Variants in NRG3 observed in about 807,000 individuals in gnomAD.
NRG3 encodes the protein pro-neuregulin-3, membrane-bound isoform.
A neutral mutation model predicts 66.9 loss-of-function variants in NRG3; 31 were observed. The observed-to-expected ratio is 0.46, with a 90% confidence interval of 0.35 to 0.63. The LOEUF is 0.63. Ranked by LOEUF, NRG3 falls within the 20% of genes least tolerant of loss-of-function variation. The probability of loss-of-function intolerance (pLI) is 0.00; values close to 1 mark genes in which losing one functional copy is unlikely to be tolerated. For missense variants in NRG3, 910 were observed against 878.9 expected, an observed-to-expected ratio of 1.04 and a Z score of -0.45; for synonymous variants, 393 against 359.4, an observed-to-expected ratio of 1.09 and a Z score of -1.06.
At chr10:82,539,865 C>T (rs928758400) in intron 2 of NRG3, among the ~76,000 whole-genome samples, 2 of 152,138 alleles carry the variant, frequency 1.3e-5, no homozygotes, top group African/African-American at 4.8e-5. Flanking sequence ...AGCTCCTGCC[C>T]TCGTGATCCA....
At chr10:82,000,312 T>C (rs925301687) in intron 1 of NRG3, among the ~76,000 whole-genome samples, 2 of 152,212 alleles carry the variant, frequency 1.3e-5, no homozygotes, top group Non-Finnish European at 2.9e-5. Context: ...AAAACAATTA[T>C]GGTATTTAGG....
At chr10:81,995,902 C>T (rs917292895) in intron 1 of NRG3, among the ~76,000 whole-genome samples, 1 of 152,072 alleles carries the variant, frequency 6.6e-6, no homozygotes, top group African/African-American at 2.4e-5. Context: ...TTGGTCAATG[C>T]CATGCAACTG....
chr10:81,937,319 G>A (rs921843634), intron 1 of NRG3, among the ~76,000 whole-genome samples: 1 of 151,986 alleles, frequency 6.6e-6, no homozygotes, highest in African/African-American at 2.4e-5. Flanking sequence ...GAGGATATGG[G>A]TAATTTATTT....
At chr10:82,476,381 G>T (rs573103181) in intron 2 of NRG3, among the ~76,000 whole-genome samples, 7 of 151,992 alleles carry the variant, frequency 4.6e-5, no homozygotes, top group African/African-American at 1.2e-4. Context: ...TTGAAAGCAG[G>T]GACTTCAAGA....
chr10:81,990,004 A>C (rs932803673), intron 1 of NRG3, among the ~76,000 whole-genome samples: 4 of 152,308 alleles, frequency 2.6e-5, no homozygotes, highest in Admixed American at 2.6e-4. Flanking sequence ...ATTATAGATC[A>C]TGTATGAAAC....
intron 4 of NRG3, among the ~76,000 whole-genome samples, chr10:82,897,989 C>T (rs1002603330): frequency 1.3e-5 from 2 of 152,136 alleles, no homozygotes; most frequent in African/African-American, 2.4e-5. Flanking sequence ...ATAATGTAGC[C>T]TTACAGCCCA....
intron 2 of NRG3, among the ~76,000 whole-genome samples, chr10:82,581,051 T>A (rs1398326132): frequency 6.6e-6 from 1 of 151,988 alleles, no homozygotes; most frequent in Admixed American, 6.6e-5. Context: ...GGTTGTACCA[T>A]TTACATTCCC....
At chr10:82,213,880 C>G (rs2075527896) in intron 1 of NRG3, among the ~76,000 whole-genome samples, 1 of 152,122 alleles carries the variant, frequency 6.6e-6, no homozygotes, top group South Asian at 2.1e-4. Flanking sequence ...GTAAGTAGCA[C>G]CAGAGTCGGC....
rs1306880945 is a variant in NRG3, at chr10:82,136,981, A to G, written c.824-221758A>G. Among the ~76,000 whole-genome samples, 3 of 152,356 alleles carry G rather than the reference A, an allele frequency of 2.0e-5. No homozygotes were observed. In the East Asian group the frequency reaches 5.8e-4, roughly 29 times the overall value. On this transcript the variant is annotated intron_variant, in intron 1 of 8. Transcript: ENST00000372141. The stretch of plus-strand genomic sequence containing the variant: ...CAAGACTGTCTTTCCTACCCTCTTC[A>G]GTACCTCTTTCATTAATATGATGTC...
At position 82,568,906 on chromosome 10, in the gene NRG3, T is replaced by A. The variant is rs183093839; in HGVS notation, c.954-169671T>A. ...GGTTTTCTCATCAATGCATTGTTTTTCTCTACATCACTGCCTCTGATGTCC... is the reference window on the plus strand; with the variant it reads ...GGTTTTCTCATCAATGCATTGTTTTACTCTACATCACTGCCTCTGATGTCC... On this transcript the variant is annotated intron_variant, in intron 2 of 8. Coordinates refer to ENST00000372141, the MANE Select transcript of NRG3 (RefSeq NM_001010848.4). Among the ~76,000 whole-genome samples the A allele has an allele frequency of 5.9e-5, 9 of 151,960 alleles. No homozygotes were observed. In the East Asian group the frequency reaches 1.8e-3, roughly 30 times the overall value.
At chr10:82,959,157 C>T (rs1850366986) in intron 6 of NRG3, 82 bp downstream of exon 6, 1 of 1,428,248 alleles carries the variant, frequency 7.0e-7, no homozygotes, top group East Asian at 2.4e-5. Flanking sequence ...TGGGATCAGA[C>T]TTGTAAATAT....
chr10:81,946,326 CT>C lies in NRG3; in HGVS notation c.823+70165del, dbSNP rs1177012563. Among the ~76,000 whole-genome samples the C allele has an allele frequency of 2.0e-5, 3 of 152,288 alleles. No individual in the cohort carries two copies. The East Asian group carries it at 5.8e-4, about 29-fold the overall frequency. ...GCCCAGCCAATACCTTGATCTTAAACTTCCAGACTGCAGAACTGTGAGATAA... is the reference window on the plus strand; with the variant it reads ...GCCCAGCCAATACCTTGATCTTAAACTCCAGACTGCAGAACTGTGAGATAA... On this transcript the variant is annotated intron_variant, in intron 1 of 8. Coordinates refer to ENST00000372141, the MANE Select transcript of NRG3 (RefSeq NM_001010848.4).
chr10:81,990,539 A>G (rs1434933673), intron 1 of NRG3, among the ~76,000 whole-genome samples: 2 of 152,172 alleles, frequency 1.3e-5, no homozygotes, highest in African/African-American at 2.4e-5. Flanking sequence ...TGCTTTTGCC[A>G]TCTAACCATA....
intron 1 of NRG3, among the ~76,000 whole-genome samples, chr10:82,245,338 G>C (rs1052538762): frequency 6.6e-6 from 1 of 152,172 alleles, no homozygotes; most frequent in African/African-American, 2.4e-5. Flanking sequence ...CAAGCAATGG[G>C]CAGTGGCTGT....
intron 3 of NRG3, among the ~76,000 whole-genome samples, chr10:82,863,888 T>G (rs914175583): frequency 2.6e-5 from 4 of 152,186 alleles, no homozygotes; most frequent in African/African-American, 9.7e-5. Context: ...CAAGAATCCT[T>G]TCTTTACATG....
intron 2 of NRG3, among the ~76,000 whole-genome samples, chr10:82,552,330 CA>C (rs1243985877): frequency 1.3e-5 from 2 of 152,064 alleles, no homozygotes; most frequent in East Asian, 3.8e-4. Context: ...GAAAGGTGAT[CA>C]TTTTTTTTAA....
At chr10:82,316,737 G>T (rs1169729775) in intron 1 of NRG3, among the ~76,000 whole-genome samples, 3 of 152,312 alleles carry the variant, frequency 2.0e-5, no homozygotes, top group East Asian at 1.9e-4. Context: ...CTCTTCCCAA[G>T]TTCCCTTATG....
At chr10:82,532,739 G>C (rs998327291) in intron 2 of NRG3, among the ~76,000 whole-genome samples, 2 of 151,226 alleles carry the variant, frequency 1.3e-5, no homozygotes, top group Non-Finnish European at 3.0e-5. Flanking sequence ...GCACATAGAA[G>C]TGCTACTATC....
intron 2 of NRG3, among the ~76,000 whole-genome samples, chr10:82,635,536 G>A (rs1478440825): frequency 6.6e-6 from 1 of 151,990 alleles, no homozygotes; most frequent in African/African-American, 2.4e-5. Flanking sequence ...ACTTTTGGAG[G>A]GGAAAACGCC....
Sources: gnomAD v4.1 joint callset for allele counts (sites outside exome capture counted in the v4.1 genomes callset) on GRCh38, gnomAD v4.1.1 for gene constraint, MANE v1.5 for transcripts, NCBI Gene and HGNC (gene_info 2026-07-23, HGNC 2026-07-21) for gene names.